ATIC: variants seen among roughly 807,000 people sequenced by gnomAD.
The protein encoded by ATIC is bifunctional purine biosynthesis protein ATIC.
In ATIC, 64 loss-of-function variants were observed where a neutral mutation model predicts 72.5. That is an observed-to-expected ratio of 0.88 (90% CI 0.72 to 1.09). The LOEUF (loss-of-function observed/expected upper bound fraction) is 1.09. Ranked by LOEUF, ATIC falls within the 50% of genes least tolerant of loss-of-function variation. ATIC has a pLI of 0.00. For synonymous variants in ATIC, 281 were observed against 267.1 expected, an observed-to-expected ratio of 1.05 and a Z score of -0.51; for missense variants, 787 against 732.4, an observed-to-expected ratio of 1.07 and a Z score of -0.86.
At chr2:215,330,288 A>G (rs909847259) in intron 7 of ATIC, among the ~76,000 whole-genome samples, 2 of 152,140 alleles carry the variant, frequency 1.3e-5, no homozygotes, top group Non-Finnish European at 2.9e-5. Flanking sequence ...TTTCATGAGG[A>G]CAGTGATTTT....
rs1008841417 is a variant in ATIC at position 215,349,731 on chromosome 2, T to A, written c.*76T>A. 4.2e-5 allele frequency: 68 copies of A among 1,607,920 alleles called. No individual in the cohort carries two copies. The highest frequency in any genetic ancestry group is 2.5e-4 in the South Asian group (23 of 90,818). ...GCCTGAAACTTTGAGGATAACTTTT[T>A]AAAAAAATAAAACAGTATCTCTTAA... is the stretch of plus-strand genomic sequence containing the variant. On this transcript the variant is annotated 3_prime_UTR_variant, in exon 16 of 16. Transcript: ENST00000236959.
rs572165681 is a variant in ATIC, at chr2:215,320,587, AATTTT to A, written c.290+862_290+866del. Among the ~76,000 whole-genome samples, 92 of 151,896 alleles carry A rather than the reference AATTTT, an allele frequency of 6.1e-4. 1 individual carries two copies. Among genetic ancestry groups the A allele is most frequent in the Non-Finnish European group, 2.5e-4 (17 of 68,004 alleles). ...TTAACTTTTATTCTTAATTTAATTT[AATTTT>A]ATTTTGAGACAGGGTCTCGCTCTGT... is the stretch of plus-strand genomic sequence containing the variant. On this transcript the variant is annotated intron_variant, in intron 4 of 15. Transcript: ENST00000236959.
the ATIC span, among the ~76,000 whole-genome samples, chr2:215,357,614 T>A: frequency 2.0e-5 from 3 of 152,258 alleles, no homozygotes; most frequent in Non-Finnish European, 4.4e-5. Context: ...GCTCTTTTAT[T>A]ACATCTTTTC....
At chr2:215,312,254 G>C in intron 1 of ATIC, 93 bp downstream of exon 1, 1 of 1,458,380 alleles carries the variant, frequency 6.9e-7, no homozygotes, top group Non-Finnish European at 9.0e-7. Context: ...CGGCACTGCA[G>C]GGGCGGCGCT....
intron 2 of ATIC, among the ~76,000 whole-genome samples, chr2:215,313,004 G>A (rs1284700413): frequency 6.6e-6 from 1 of 151,794 alleles, no homozygotes; most frequent in Non-Finnish European, 1.5e-5. Flanking sequence ...GGCTGAGGCA[G>A]GAGAATCGCT....
intron 4 of ATIC, among the ~76,000 whole-genome samples, chr2:215,324,221 A>G (rs1355772840): frequency 6.6e-6 from 1 of 152,218 alleles, no homozygotes; most frequent in Non-Finnish European, 1.5e-5. Context: ...TGAGTTGAGT[A>G]GACAAGTATT....
intron 4 of ATIC, 150 bp downstream of exon 4, chr2:215,319,881 C>A: frequency 1.4e-6 from 1 of 696,232 alleles, no homozygotes; most frequent in Non-Finnish European, 2.5e-6. Flanking sequence ...TTTGGTTTGG[C>A]CAGATTTATA....
chr2:215,364,639 G>A, the ATIC span: 6 of 569,080 alleles, frequency 1.1e-5, no homozygotes, highest in African/African-American at 1.1e-4. Flanking sequence ...TTGTGTTTTT[G>A]GTACTCTACA....
the ATIC span, among the ~76,000 whole-genome samples, chr2:215,358,795 G>A: frequency 6.6e-6 from 1 of 152,210 alleles, no homozygotes; most frequent in Non-Finnish European, 1.5e-5. Flanking sequence ...TGGGGAACTT[G>A]AGGTTTTTTA....
At chr2:215,367,981 G>A in the ATIC span, 1 of 1,614,206 alleles carries the variant, frequency 6.2e-7, no homozygotes, top group Non-Finnish European at 8.5e-7. Context: ...AAACTGTGTA[G>A]GGGTCAAAGC....
intron 13 of ATIC, among the ~76,000 whole-genome samples, chr2:215,345,751 A>T (rs1375080539): frequency 1.3e-5 from 2 of 152,210 alleles, no homozygotes; most frequent in Non-Finnish European, 2.9e-5. Flanking sequence ...AAGTTCTGTA[A>T]GTCCATGTAG....
In ATIC at chr2:215,344,809, G is replaced by A. The variant is rs374326906; in HGVS notation, c.1258G>A (p.Val420Ile). 40 of 1,613,784 alleles carry A rather than the reference G, an allele frequency of 2.5e-5. No homozygotes were observed. The highest frequency in any genetic ancestry group is 1.6e-4 in the Middle Eastern group (1 of 6,084). ...LPESALRDLI[V>I]ATIAVKYTQS... is the part of the protein sequence containing the mutation. Reference sequence around the variant, plus strand: ...AGAGTCTGCCCTCCGAGACCTCATCGTAGCCACCATTGCTGTCAAGTACAC... The same window carrying A: ...AGAGTCTGCCCTCCGAGACCTCATCATAGCCACCATTGCTGTCAAGTACAC... The change falls in exon 13 of 16, where the codon GTA becomes ATA. Residue 420 changes from valine to isoleucine, a missense_variant. Val to Ile is a conservative substitution (Grantham distance 29). Transcript: ENST00000236959.
intron 14 of ATIC, 101 bp downstream of exon 14, chr2:215,347,042 T>C (rs897922958): frequency 1.4e-6 from 2 of 1,389,830 alleles, no homozygotes; most frequent in African/African-American, 2.9e-5. Flanking sequence ...AAAAAGATAC[T>C]TTCATTGAAA....
chr2:215,357,872 G>C, the ATIC span, among the ~76,000 whole-genome samples: 46 of 148,724 alleles, frequency 3.1e-4, no homozygotes, highest in African/African-American at 1.1e-3. Flanking sequence ...CTTAAGAGTT[G>C]AATTGTCTCC....
chr2:215,318,472 C>T (rs1182561278), intron 3 of ATIC, among the ~76,000 whole-genome samples: 1 of 152,112 alleles, frequency 6.6e-6, no homozygotes, highest in Admixed American at 6.6e-5. Context: ...GACCTGATAC[C>T]TAATTTAGAG....
At chr2:215,333,054 CAG>C (rs2052913285) in intron 8 of ATIC, among the ~76,000 whole-genome samples, 1 of 151,980 alleles carries the variant, frequency 6.6e-6, no homozygotes, top group Non-Finnish European at 1.5e-5. Context: ...TCAAGCAGAA[CAG>C]AGAGAAAGAG....
intron 11 of ATIC, among the ~76,000 whole-genome samples, chr2:215,336,850 G>A (rs992316844): frequency 4.6e-5 from 7 of 152,212 alleles, no homozygotes; most frequent in Admixed American, 2.6e-4. Flanking sequence ...TTTAGATGTT[G>A]TAGGCAAATT....
the ATIC span, among the ~76,000 whole-genome samples, chr2:215,365,966 A>ATTTTTTTTTTTTTTTTT: frequency 8.9e-5 from 8 of 90,338 alleles, no homozygotes; most frequent in African/African-American, 2.4e-4. Context: ...CCACAGTGCT[A>ATTTTTTTTTTTTTTTTT]TTTTTTTTTT....
At chr2:215,327,949 G>C (rs990067330) in intron 7 of ATIC, among the ~76,000 whole-genome samples, 1 of 151,514 alleles carries the variant, frequency 6.6e-6, no homozygotes, top group African/African-American at 2.4e-5. Context: ...CCAGGCTGGA[G>C]TGCAGTGGCG....
Sources: gnomAD v4.1 joint callset for allele counts (sites outside exome capture counted in the v4.1 genomes callset) on GRCh38, gnomAD v4.1.1 for gene constraint, MANE v1.5 for transcripts, NCBI Gene and HGNC (gene_info 2026-07-23, HGNC 2026-07-21) for gene names.